ZXDC: variants seen among roughly 807,000 people sequenced by gnomAD.
ZXDC encodes ZXD family zinc finger C, also known as zinc finger protein ZXDC.
In ZXDC, 58 loss-of-function variants were observed where a neutral mutation model predicts 63.6. The observed-to-expected ratio is 0.91, with a 90% CI of 0.74 to 1.13. ZXDC has a LOEUF of 1.13. Among genes scored for constraint, ZXDC ranks in the 50% most tolerant of loss-of-function variants. The probability of loss-of-function intolerance (pLI) is 0.00; values close to 1 mark genes in which losing one functional copy is unlikely to be tolerated. For missense variants in ZXDC, 1,133 were observed against 1,148.9 expected (o/e 0.99, Z 0.20); for synonymous variants, 561 against 496.1 (o/e 1.13, Z -1.74).
At position 126,461,636 on chromosome 3, in the gene ZXDC, C is replaced by T. The variant is rs767116650; in HGVS notation, c.2026G>A (p.Glu676Lys). The T allele has an allele frequency of 6.2e-7, 1 of 1,613,970 alleles. No homozygotes were observed. Among genetic ancestry groups the T allele is most frequent in the South Asian group, 1.1e-5 (1 of 91,076 alleles). Reference protein sequence around the residue: ...PSRPGAVGQQEGSHGLPQSTL... With the variant: ...PSRPGAVGQQKGSHGLPQSTL... ...GACTGGGGCAGCCCATGGCTTCCTT[C>T]CTGCTGCCCAACTGCTCCTGGGCGA... is the stretch of plus-strand genomic sequence containing the variant. Residue 676 changes from glutamate (E) to lysine (K), a missense_variant, in exon 6 of 10, where the codon GAA (glutamate) becomes AAA (lysine). Glu to Lys is a moderately conservative substitution (Grantham distance 56). Coordinates refer to ENST00000389709, the MANE Select transcript of ZXDC (RefSeq NM_025112.5).
chr3:126,459,632 C>T (rs758076703), intron 7 of ZXDC, 21 bp downstream of exon 7: 1 of 1,614,110 alleles, frequency 6.2e-7, no homozygotes, highest in Non-Finnish European at 8.5e-7. Context: ...GCTCGTCCGG[C>T]TGCAGCACAC....
At chr3:126,459,342 G>A (rs1451467926) in intron 7 of ZXDC, 1 of 985,324 alleles carries the variant, frequency 1.0e-6, no homozygotes, top group Non-Finnish European at 1.2e-6. Context: ...CACAATCTCT[G>A]CTTTCCTGAC....
Position 126,461,936 on chromosome 3 carries a change from G to A in ZXDC, c.1726C>T (p.Pro576Ser), listed in dbSNP as rs773769309. 3 of 1,614,188 alleles carry A rather than the reference G, an allele frequency of 1.9e-6. No homozygotes were observed. The highest frequency in any genetic ancestry group is 1.3e-5 in the African/African-American group (1 of 75,042). Residue 576 changes from proline to serine, a missense_variant, in exon 6 of 10, where the codon CCA becomes TCA. Physicochemically the swap from Pro to Ser is moderately conservative, Grantham distance 74. Transcript: ENST00000389709. Reference sequence around the variant, plus strand: ...AGAACCAGAGGGCTGTCCAGGCTTGGGGGAATATCACTGTGGGCCACCAGG... The same window carrying A: ...AGAACCAGAGGGCTGTCCAGGCTTGAGGGAATATCACTGTGGGCCACCAGG... ...LVLVAHSDIP[P>S]SLDSPLVLGT...
chr3:126,444,925 C>T (rs1933823931), intron 7 of ZXDC, among the ~76,000 whole-genome samples: 2 of 152,148 alleles, frequency 1.3e-5, no homozygotes, highest in Non-Finnish European at 2.9e-5. Flanking sequence ...TAAAATGATT[C>T]TATCTTTATT....
chr3:126,440,960 G>A (rs1337917438), intron 8 of ZXDC: 5 of 985,516 alleles, frequency 5.1e-6, no homozygotes, highest in African/African-American at 1.7e-5. Flanking sequence ...CCGCACTTCC[G>A]TGGGGCCTGC....
chr3:126,475,858 A>C lies in ZXDC; in HGVS notation c.8T>G (p.Leu3Arg), dbSNP rs1935207558. Residue 3 changes from leucine to arginine, a missense_variant, in exon 1 of 10, where the codon CTC (leucine) becomes CGC (arginine). Physicochemically the swap from Leu to Arg is moderately radical, Grantham distance 102. Transcript: ENST00000389709. ...AGTCGGGGCGGGGAGCAGCGCCGGG[A>C]GGTCCATCTTGGTCCCAGCGACGGC... Reference protein sequence around the residue: MDLPALLPAPTAR... With the variant: MDRPALLPAPTAR... The C allele has an allele frequency of 9.3e-7, 1 of 1,077,196 alleles. No homozygotes were observed. Among genetic ancestry groups the C allele is most frequent in the East Asian group, 6.1e-5 (1 of 16,328 alleles). 66.7% of individuals were successfully genotyped at this position (1,077,196 alleles called of 1,614,324 possible).
intron 7 of ZXDC, 27 bp downstream of exon 7, chr3:126,459,626 G>A (rs746508253): frequency 1.4e-5 from 22 of 1,613,776 alleles, no homozygotes; most frequent in Middle Eastern, 1.7e-4. Context: ...GCCCTTGCTC[G>A]TCCGGCTGCA....
chr3:126,458,376 A>G (rs1187070544), intron 7 of ZXDC, among the ~76,000 whole-genome samples: 1 of 151,884 alleles, frequency 6.6e-6, no homozygotes, highest in African/African-American at 2.4e-5. Context: ...AGCTAGGATT[A>G]CAGACACGTG....
At position 126,439,749 on chromosome 3, in the gene ZXDC, G is replaced by T. The variant is rs756237574; in HGVS notation, c.2395-22C>A. ...CATCCTGGGAAGGCAACACAGAAAGGCCTGTCACATGTCTGTGAGAGTGCA... is the reference window on the plus strand; with the variant it reads ...CATCCTGGGAAGGCAACACAGAAAGTCCTGTCACATGTCTGTGAGAGTGCA... On this transcript the variant is annotated intron_variant, in intron 8 of 9. Transcript: ENST00000389709. 43 of 1,546,836 alleles carry T rather than the reference G, an allele frequency of 2.8e-5. No individual in the cohort carries two copies. In the Admixed American group the frequency reaches 3.3e-4, roughly 12 times the overall value.
intron 8 of ZXDC, chr3:126,440,648 T>C: frequency 1.0e-6 from 1 of 986,078 alleles, no homozygotes; most frequent in South Asian, 4.7e-5. Context: ...CTGCCCCTGC[T>C]CCTGGGGAGT....
intron 7 of ZXDC, chr3:126,457,679 G>A (rs1305995605): frequency 1.0e-6 from 1 of 983,496 alleles, no homozygotes; most frequent in Non-Finnish European, 1.2e-6. Context: ...AAAACGAGAA[G>A]CTGCGCTTTA....
intron 7 of ZXDC, 137 bp downstream of exon 7, chr3:126,459,516 G>C (rs375047513): frequency 1.3e-6 from 2 of 1,498,056 alleles, no homozygotes; most frequent in East Asian, 2.3e-5. Flanking sequence ...ATAAAACTAA[G>C]GAGTTGATAA....
At chr3:126,470,552 A>G (rs16837507) in intron 4 of ZXDC, among the ~76,000 whole-genome samples, 9,032 of 152,316 alleles carry the variant, frequency 0.059, 325 homozygotes, top group African/African-American at 0.076. Flanking sequence ...ACGTGATCTC[A>G]AAAGTACCTA....
chr3:126,461,872 C>A lies in ZXDC; in HGVS notation c.1790G>T (p.Ser597Ile). ...ACTCACAGTCTGCACGTCATCCACA[C>A]TGAAGCTGCCCTGCTGCAGAACCGT... is the stretch of plus-strand genomic sequence containing the variant. ...AATVLQQGSFSVDDVQTVSAG... is the reference protein window; with the variant it reads ...AATVLQQGSFIVDDVQTVSAG... Residue 597 changes from serine to isoleucine, a missense_variant, in exon 6 of 10, where the codon AGT (serine) becomes ATT (isoleucine). Coordinates refer to ENST00000389709, the MANE Select transcript of ZXDC (RefSeq NM_025112.5). The A allele has an allele frequency of 1.2e-6, 2 of 1,614,246 alleles. No individual in the cohort carries two copies. The highest frequency in any genetic ancestry group is 2.7e-5 in the African/African-American group (2 of 75,052).
intron 7 of ZXDC, among the ~76,000 whole-genome samples, chr3:126,449,683 A>G (rs1427039036): frequency 6.6e-6 from 1 of 152,186 alleles, no homozygotes; most frequent in Non-Finnish European, 1.5e-5. Flanking sequence ...CCTGCCACTG[A>G]CGGCCAGGAG....
At chr3:126,438,528 C>T in intron 9 of ZXDC, 67 bp from the exon 10 acceptor site, 2 of 1,422,122 alleles carry the variant, frequency 1.4e-6, no homozygotes, top group Non-Finnish European at 9.8e-7. Context: ...TGTGGCTCCA[C>T]ACAGCAGGAC....
chr3:126,453,237 C>T (rs1934178937), intron 7 of ZXDC: 3 of 985,142 alleles, frequency 3.0e-6, no homozygotes, highest in Non-Finnish European at 3.6e-6. Context: ...ATCTGTTTAT[C>T]TCTAGGTATT....
Position 126,475,713 on chromosome 3 carries a change from G to A in ZXDC, c.153C>T (p.Pro51=). Residue 51 remains proline, a synonymous_variant, in exon 1 of 10, where the codon CCC becomes CCT. Coordinates refer to ENST00000389709, the MANE Select transcript of ZXDC (RefSeq NM_025112.5). ...CGGAGGCCTCCCCGGGCCGCGCCCCGGGCCCGCCATCTTCAGGGCCCCGCA... is the reference window on the plus strand; with the variant it reads ...CGGAGGCCTCCCCGGGCCGCGCCCCAGGCCCGCCATCTTCAGGGCCCCGCA... ...LLVRGPEDGG[P]GARPGEASGP... The A allele has an allele frequency of 7.8e-7, 1 of 1,277,174 alleles. No individual in the cohort carries two copies. Among genetic ancestry groups the A allele is most frequent in the Non-Finnish European group, 9.9e-7 (1 of 1,013,384 alleles). The allele number at this position is 1,277,174 out of a possible 1,614,324, so 79.1% of individuals were successfully genotyped here.
chr3:126,456,151 C>A (rs1457747854), intron 7 of ZXDC, among the ~76,000 whole-genome samples: 1 of 152,350 alleles, frequency 6.6e-6, no homozygotes, highest in Middle Eastern at 3.4e-3. Context: ...AGGCAAAAAG[C>A]CCCTGCTGAG....
Sources: gnomAD v4.1 joint callset for allele counts (sites outside exome capture counted in the v4.1 genomes callset) on GRCh38, gnomAD v4.1.1 for gene constraint, MANE v1.5 for transcripts, NCBI Gene and HGNC (gene_info 2026-07-23, HGNC 2026-07-21) for gene names.